Variants in DOCK2 observed in about 807,000 individuals in gnomAD.
DOCK2 encodes dedicator of cytokinesis 2.
Under a neutral mutation model 248.9 loss-of-function variants are expected in DOCK2, and 87 were observed. The observed-to-expected ratio is 0.35, with a 90% CI of 0.29 to 0.42. The LOEUF is 0.42. DOCK2 is among the 10% of genes least tolerant of loss of function. The pLI, the probability that DOCK2 is intolerant of heterozygous loss-of-function variation, is 1.00. For missense variants in DOCK2, 1,747 were observed against 2,300.2 expected (o/e 0.76, Z 4.92); for synonymous variants, 805 against 821.6 (o/e 0.98, Z 0.35).
At chr5:170,079,991 C>A (rs2113878971) in intron 49 of DOCK2, 172 bp from the exon 50 acceptor site, 3 of 1,113,292 alleles carry the variant, frequency 2.7e-6, no homozygotes, top group East Asian at 5.1e-5. Context: ...ACCTGTGCAA[C>A]CATATGTGGC....
At chr5:169,841,619 C>A in intron 27 of DOCK2, 1 of 216,072 alleles carries the variant, frequency 4.6e-6, no homozygotes, top group Non-Finnish European at 7.9e-6. Context: ...TTTATGTGTT[C>A]CTCCCACATA....
intron 27 of DOCK2, among the ~76,000 whole-genome samples, chr5:169,874,881 C>A (rs1282817376): frequency 7.0e-6 from 1 of 142,040 alleles, no homozygotes; most frequent in Non-Finnish European, 1.5e-5. Flanking sequence ...TTTCTCTTCT[C>A]ATTGGAAACA....
chr5:169,904,359 A>AT (rs1458005788), intron 27 of DOCK2, among the ~76,000 whole-genome samples: 1 of 152,064 alleles, frequency 6.6e-6, no homozygotes, highest in East Asian at 1.9e-4. Flanking sequence ...GATGTGTTGT[A>AT]TTTTTTAAAG....
At chr5:169,666,662 G>A (rs182041580) in intron 2 of DOCK2, among the ~76,000 whole-genome samples, 353 of 152,302 alleles carry the variant, frequency 2.3e-3, no homozygotes, top group Non-Finnish European at 4.2e-3. Context: ...TGACCTGGCA[G>A]AAGTAAAAAT....
intron 27 of DOCK2, among the ~76,000 whole-genome samples, chr5:169,901,567 G>T (rs1223475105): frequency 6.6e-6 from 1 of 152,168 alleles, no homozygotes; most frequent in Non-Finnish European, 1.5e-5. Flanking sequence ...CAGTGGGGAG[G>T]CTGTAACAGT....
At chr5:169,981,030 A>G (rs975884205) in intron 27 of DOCK2, among the ~76,000 whole-genome samples, 3 of 152,158 alleles carry the variant, frequency 2.0e-5, no homozygotes, top group African/African-American at 7.2e-5. Context: ...TAAGCTTCGT[A>G]GTCATGACAG....
chr5:169,735,194 G>A (rs1387949876), intron 22 of DOCK2, among the ~76,000 whole-genome samples: 1 of 152,080 alleles, frequency 6.6e-6, no homozygotes, highest in Non-Finnish European at 1.5e-5. Context: ...ATTCTTCTTA[G>A]GATGAAGACA....
At chr5:169,968,042 G>C (rs1465100227) in intron 27 of DOCK2, among the ~76,000 whole-genome samples, 2 of 152,148 alleles carry the variant, frequency 1.3e-5, no homozygotes, top group Admixed American at 1.3e-4. Context: ...AAATGTCCAG[G>C]AGGAAGTTGG....
chr5:170,033,365 AATATT>A (rs530623289), intron 34 of DOCK2, among the ~76,000 whole-genome samples: 32 of 152,292 alleles, frequency 2.1e-4, no homozygotes, highest in African/African-American at 7.7e-4. Flanking sequence ...TACTAAAACA[AATATT>A]ATAATTTTAA....
intron 47 of DOCK2, 37 bp downstream of exon 47, chr5:170,076,121 G>C (rs368322113): frequency 1.9e-5 from 31 of 1,604,576 alleles, no homozygotes; most frequent in Admixed American, 5.0e-5. Context: ...GGGTGGGATT[G>C]TGCAGGGTGG....
chr5:170,057,626 C>A lies in DOCK2; in HGVS notation c.4427C>A (p.Pro1476Gln). Residue 1476 changes from proline (P) to glutamine (Q), a missense_variant, in exon 44 of 52, where the codon CCG becomes CAG. Physicochemically the swap from Pro to Gln is moderately conservative, Grantham distance 76 (BLOSUM62 -1). Around this residue, in one of 4 missense-constraint regions of DOCK2, gnomAD observed 513 missense variants for 586.1 expected, o/e 0.88. Transcript: ENST00000520908. ...TCCTTCGTGACTGCATACAAGCTGC[C>A]GGGGATCCTGCGCTGGTTTGAGGTG... ...RTSFVTAYKL[P>Q]GILRWFEVVH... is the part of the protein sequence containing the mutation. 1 of 1,613,968 alleles carries A rather than the reference C, an allele frequency of 6.2e-7. No individual in the cohort carries two copies. The highest frequency in any genetic ancestry group is 8.5e-7 in the Non-Finnish European group (1 of 1,179,884).
chr5:169,743,954 C>A (rs138993646), intron 22 of DOCK2, among the ~76,000 whole-genome samples: 135 of 148,136 alleles, frequency 9.1e-4, no homozygotes, highest in African/African-American at 3.0e-3. Flanking sequence ...TGTACTTTTC[C>A]CCCATTTTCC....
At position 169,663,021 on chromosome 5, in the gene DOCK2, AAAC is replaced by A. The variant is rs1393695661; in HGVS notation, c.128-6261_128-6259del. Among the ~76,000 whole-genome samples the A allele has an allele frequency of 5.9e-5, 9 of 152,330 alleles. No individual in the cohort carries two copies. The East Asian group carries it at 1.5e-3, about 26-fold the overall frequency. ...TTCCACATATGAGCCTGTAAAATCAAAACAACAAGTCAGTTACTTCCAAGATAC... is the reference window on the plus strand; with the variant it reads ...TTCCACATATGAGCCTGTAAAATCAAAACAAGTCAGTTACTTCCAAGATAC... On this transcript the variant is annotated intron_variant, in intron 2 of 51. Transcript: ENST00000520908.
chr5:169,699,465 T>C lies in DOCK2; in HGVS notation c.1132+7T>C. 1 of 1,610,044 alleles carries C rather than the reference T, an allele frequency of 6.2e-7. No individual in the cohort carries two copies. The highest frequency in any genetic ancestry group is 8.5e-7 in the Non-Finnish European group (1 of 1,177,804). On this transcript the variant is annotated splice_region_variant and intron_variant, in intron 12 of 51. Transcript: ENST00000520908. ...GGGGACAGTGGAGGGCAAGGTAAAG[T>C]GCCAATATGCCAGTGGGCTGAGCCT...
At chr5:170,046,079 G>A (rs1211402749) in intron 39 of DOCK2, among the ~76,000 whole-genome samples, 174 bp downstream of exon 39, 1 of 152,192 alleles carries the variant, frequency 6.6e-6, no homozygotes, top group Non-Finnish European at 1.5e-5. Context: ...CCCGTGGGGA[G>A]TATTTTCAAA....
chr5:169,846,162 G>C (rs1270461443), intron 27 of DOCK2, among the ~76,000 whole-genome samples: 3 of 152,138 alleles, frequency 2.0e-5, no homozygotes, highest in Non-Finnish European at 2.9e-5. Flanking sequence ...TAAATGTCAA[G>C]TACTTTTGAA....
At chr5:169,640,698 G>A (rs1319076193) in intron 1 of DOCK2, among the ~76,000 whole-genome samples, 4 of 152,194 alleles carry the variant, frequency 2.6e-5, no homozygotes, top group Non-Finnish European at 5.9e-5. Flanking sequence ...GTTCATCTTG[G>A]AGCCAACTTT....
chr5:169,703,870 CTGGTAGAG>C (rs1193439697), intron 14 of DOCK2: 1 of 152,042 alleles, frequency 6.6e-6, no homozygotes, highest in Non-Finnish European at 1.5e-5. Flanking sequence ...TCCAACTTCC[CTGGTAGAG>C]AACTTTTTAA....
chr5:169,837,671 A>G (rs552080327), intron 26 of DOCK2, among the ~76,000 whole-genome samples: 1 of 152,168 alleles, frequency 6.6e-6, no homozygotes, highest in Non-Finnish European at 1.5e-5. Context: ...TATTTGCCAC[A>G]TTTTATAAAC....
Sources: allele counts gnomAD v4.1 joint callset (sites outside exome capture counted in the v4.1 genomes callset), GRCh38; gene constraint gnomAD v4.1.1; regional missense constraint gnomAD v4.1.1; transcripts MANE v1.5; gene names NCBI Gene and HGNC (gene_info 2026-07-23, HGNC 2026-07-21).